GOT1: variants seen among roughly 807,000 people sequenced by gnomAD.
GOT1 encodes the protein glutamic-oxaloacetic transaminase 1.
A neutral mutation model predicts 48.2 loss-of-function variants in GOT1; 25 were observed. That is an observed-to-expected ratio of 0.52 (90% CI 0.38 to 0.72). GOT1 has a LOEUF of 0.72. Among genes scored for constraint, GOT1 ranks in the 30% least tolerant of loss-of-function variants. The pLI is 0.00. For synonymous variants in GOT1, 188 were observed against 193.8 expected (o/e 0.97, Z 0.25); for missense variants, 380 against 520.1 (o/e 0.73, Z 2.62).
chr10:99,415,736 T>C (rs1391046374), intron 2 of GOT1, among the ~76,000 whole-genome samples: 7 of 152,138 alleles, frequency 4.6e-5, no homozygotes, highest in African/African-American at 1.7e-4. Flanking sequence ...TCAAAAAGCT[T>C]ATCCACCATG....
chr10:99,421,470 C>T (rs938636396), intron 1 of GOT1, among the ~76,000 whole-genome samples: 3 of 152,196 alleles, frequency 2.0e-5, no homozygotes, highest in African/African-American at 7.2e-5. Context: ...AGTGTTTACC[C>T]TTCTGACTTC....
intron 2 of GOT1, among the ~76,000 whole-genome samples, chr10:99,415,045 A>T (rs1480974383): frequency 5.3e-5 from 8 of 152,366 alleles, no homozygotes; most frequent in Non-Finnish European, 1.0e-4. Context: ...GAGAAGCAAG[A>T]GCAAACACAT....
chr10:99,429,660 T>A (rs897030175), intron 1 of GOT1, among the ~76,000 whole-genome samples: 48 of 152,078 alleles, frequency 3.2e-4, no homozygotes, highest in African/African-American at 1.1e-3. Context: ...GGGTAAAAAA[T>A]TTGAGAGGCA....
intron 2 of GOT1, 78 bp downstream of exon 2, chr10:99,420,545 TA>T: frequency 9.1e-7 from 1 of 1,100,142 alleles, no homozygotes. Flanking sequence ...TAACGCCTAA[TA>T]TTTTAAACAA....
rs1589946086 is a variant in GOT1 at position 99,429,143 on chromosome 10, G to C, written c.118+1305C>G. Among the ~76,000 whole-genome samples the C allele has an allele frequency of 2.0e-5, 3 of 151,600 alleles. No homozygotes were observed. In the Middle Eastern group the frequency reaches 0.01, roughly 519 times the overall value. ...CGGCTCACTGCAACCTCCGTCTCCC[G>C]GGTTTAAGCAATTCTTCTGCCTCAG... On this transcript the variant is annotated intron_variant, in intron 1 of 8. Transcript: ENST00000370508.
Position 99,407,576 on chromosome 10 carries a change from G to T in GOT1, c.301-727C>A, listed in dbSNP as rs542635271. 6.6e-5 allele frequency among the ~76,000 whole-genome samples: 10 copies of T among 152,036 alleles called. No individual in the cohort carries two copies. In the South Asian group the frequency reaches 1.9e-3, roughly 28 times the overall value. The stretch of plus-strand genomic sequence containing the variant: ...GCCTCCCGAGTAGCTGGGACTACAG[G>T]CGCCTGCCACCATGCCCGGCTAATT... On this transcript the variant is annotated intron_variant, in intron 2 of 8. Transcript: ENST00000370508.
At chr10:99,412,906 T>A (rs1287419111) in intron 2 of GOT1, among the ~76,000 whole-genome samples, 1 of 152,082 alleles carries the variant, frequency 6.6e-6, no homozygotes, top group Non-Finnish European at 1.5e-5. Flanking sequence ...AAAGGATAAC[T>A]AACAAACAGA....
chr10:99,420,911 G>A, intron 1 of GOT1, 106 bp from the exon 2 acceptor site: 1 of 898,146 alleles, frequency 1.1e-6, no homozygotes, highest in Non-Finnish European at 1.7e-6. Flanking sequence ...GGTCAAAACA[G>A]AACAGTGAAG....
chr10:99,427,367 C>A (rs960938343), intron 1 of GOT1, among the ~76,000 whole-genome samples: 3 of 152,166 alleles, frequency 2.0e-5, no homozygotes, highest in Non-Finnish European at 4.4e-5. Flanking sequence ...CTCCTGGGTT[C>A]ACGCCATTCT....
chr10:99,406,086 T>A (rs776645599), intron 4 of GOT1, 51 bp downstream of exon 4: 1 of 1,256,250 alleles, frequency 8.0e-7, no homozygotes, highest in South Asian at 1.2e-5. Context: ...AGACTTTGCC[T>A]GAGATTCCTG....
chr10:99,418,342 G>A (rs1417696963), intron 2 of GOT1, among the ~76,000 whole-genome samples: 1 of 152,068 alleles, frequency 6.6e-6, no homozygotes, highest in Non-Finnish European at 1.5e-5. Context: ...AACAGCATCT[G>A]CCCAACATAG....
At chr10:99,418,751 C>T (rs1456344581) in intron 2 of GOT1, among the ~76,000 whole-genome samples, 1 of 152,252 alleles carries the variant, frequency 6.6e-6, no homozygotes, top group East Asian at 1.9e-4. Flanking sequence ...AATCTGCCCA[C>T]CTTGGCCTCC....
chr10:99,411,222 A>G (rs955369028), intron 2 of GOT1, among the ~76,000 whole-genome samples: 2 of 152,248 alleles, frequency 1.3e-5, no homozygotes, highest in African/African-American at 4.8e-5. Flanking sequence ...TGATGTGACA[A>G]TGAGTTATGA....
chr10:99,403,863 C>T lies in GOT1; in HGVS notation c.654G>A (p.Leu218=). Residue 218 remains leucine (L), a synonymous_variant, in exon 6 of 9, where the codon CTG becomes CTA. Transcript: ENST00000370508. Reference sequence around the variant, plus strand: ...GATAGGCTGAGTCAAAGAAGGGGAACAGAAACCGGTGCTGCGGGGAAGCAA... The same window carrying T: ...GATAGGCTGAGTCAAAGAAGGGGAATAGAAACCGGTGCTGCGGGGAAGCAA... ...QIASVMKHRF[L]FPFFDSAYQG... is the part of the protein sequence containing the mutation. 6.2e-7 allele frequency: 1 copy of T among 1,613,712 alleles called. No homozygotes were observed. Among genetic ancestry groups the T allele is most frequent in the Non-Finnish European group, 8.5e-7 (1 of 1,180,014 alleles).
chr10:99,401,912 A>T (rs1049907477), intron 8 of GOT1, among the ~76,000 whole-genome samples: 1 of 151,450 alleles, frequency 6.6e-6, no homozygotes, highest in African/African-American at 2.4e-5. Context: ...GATTCAAGTG[A>T]TTCTCCTGCC....
rs988745990 is a variant in GOT1, at chr10:99,396,918, T to C, written c.*629A>G. 29 of 152,286 alleles carry C rather than the reference T, an allele frequency of 1.9e-4. No individual in the cohort carries two copies. The highest frequency in any genetic ancestry group is 6.3e-4 in the African/African-American group (26 of 41,456). 9.4% of individuals were successfully genotyped at this position (152,286 alleles called of 1,614,324 possible). The stretch of plus-strand genomic sequence containing the variant: ...TTTTTTTAGGTGAAGTAGAACACAA[T>C]AGAATGGCTCAAAAATATCAGAATG... On this transcript the variant is annotated 3_prime_UTR_variant, in exon 9 of 9. Coordinates refer to ENST00000370508, the MANE Select transcript of GOT1 (RefSeq NM_002079.3).
chr10:99,406,688 G>A lies in GOT1; in HGVS notation c.424+38C>T, dbSNP rs757866148. The A allele has an allele frequency of 3.7e-6, 6 of 1,600,430 alleles. No individual in the cohort carries two copies. In the Middle Eastern group the frequency reaches 8.3e-4, roughly 221 times the overall value. The stretch of plus-strand genomic sequence containing the variant: ...AGAGTCATGAGGATAATTCTCTCTG[G>A]TTTCTGTTTTTCCTCTCACTTCAGC... On this transcript the variant is annotated intron_variant, in intron 3 of 8. Transcript: ENST00000370508.
intron 8 of GOT1, among the ~76,000 whole-genome samples, chr10:99,400,009 G>GA (rs1431158821): frequency 6.6e-6 from 1 of 152,190 alleles, no homozygotes; most frequent in African/African-American, 2.4e-5. Flanking sequence ...CCTGTGCCCT[G>GA]AGGCAGTGAT....
chr10:99,413,578 A>T (rs2032855079), intron 2 of GOT1, among the ~76,000 whole-genome samples: 4 of 152,218 alleles, frequency 2.6e-5, no homozygotes, highest in African/African-American at 9.6e-5. Flanking sequence ...CAAATTCAGG[A>T]AATACAGAGA....
Sources: allele counts gnomAD v4.1 joint callset (sites outside exome capture counted in the v4.1 genomes callset), GRCh38; gene constraint gnomAD v4.1.1; transcripts MANE v1.5; gene names NCBI Gene and HGNC (gene_info 2026-07-23, HGNC 2026-07-21).